The following PEX14 variants were observed in gnomAD, a reference collection of about 807,000 sequenced individuals.
PEX14 encodes peroxisomal biogenesis factor 14.
In PEX14, 15 loss-of-function variants were observed where a neutral mutation model predicts 49.5. The ratio of observed to expected loss-of-function variants is 0.30; its 90% confidence interval spans 0.20 to 0.47. The LOEUF is 0.47. PEX14 is among the 20% of genes least tolerant of loss of function. The pLI, the probability that PEX14 is intolerant of heterozygous loss-of-function variation, is 1.00. For missense variants in PEX14, 398 were observed against 494.8 expected (o/e 0.80, Z 1.86); for synonymous variants, 210 against 212.7 (o/e 0.99, Z 0.11).
At chr1:10,521,724 A>T (rs1638299702) in intron 2 of PEX14, among the ~76,000 whole-genome samples, 2 of 152,120 alleles carry the variant, frequency 1.3e-5, no homozygotes, top group Non-Finnish European at 2.9e-5. Context: ...TTTCCCCCCT[A>T]AGAATCATAC....
intron 4 of PEX14, among the ~76,000 whole-genome samples, chr1:10,600,074 T>C (rs1640939300): frequency 6.6e-6 from 1 of 152,230 alleles, no homozygotes; most frequent in Non-Finnish European, 1.5e-5. Context: ...TTAAAAAGGC[T>C]AAAATTGACT....
intron 2 of PEX14, among the ~76,000 whole-genome samples, chr1:10,498,707 G>C (rs1419503622): frequency 2.6e-5 from 4 of 152,218 alleles, no homozygotes; most frequent in African/African-American, 9.6e-5. Context: ...ATTAGGGCTA[G>C]AGATTGGTGA....
At chr1:10,510,830 C>T (rs751981055) in intron 2 of PEX14, among the ~76,000 whole-genome samples, 10 of 152,190 alleles carry the variant, frequency 6.6e-5, no homozygotes, top group Admixed American at 2.6e-4. Flanking sequence ...CCCACTGGGC[C>T]ACACATATGC....
chr1:10,530,630 G>A (rs1198968300), intron 2 of PEX14, among the ~76,000 whole-genome samples: 3 of 152,192 alleles, frequency 2.0e-5, no homozygotes, highest in Non-Finnish European at 4.4e-5. Flanking sequence ...ATTGAATTTT[G>A]GCTGACCGAG....
chr1:10,627,149 C>G lies in PEX14; in HGVS notation c.586-123C>G. On this transcript the variant is annotated intron_variant, in intron 7 of 8. Coordinates refer to ENST00000356607, the MANE Select transcript of PEX14 (RefSeq NM_004565.3). ...AGTGGGCAGTGGCAGAACCTTCCCCCGGGTTCCCCAGAACAGACCCAGAAG... is the reference window on the plus strand; with the variant it reads ...AGTGGGCAGTGGCAGAACCTTCCCCGGGGTTCCCCAGAACAGACCCAGAAG... 11 of 760,970 alleles carry G rather than the reference C, an allele frequency of 1.4e-5. No homozygotes were observed. The South Asian group carries it at 1.5e-4, about 10-fold the overall frequency. The allele number at this position is 760,970 out of a possible 1,614,324, so 47.1% of individuals were successfully genotyped here.
intron 4 of PEX14, among the ~76,000 whole-genome samples, chr1:10,617,888 C>T (rs1299405062): frequency 1.3e-5 from 2 of 152,200 alleles, no homozygotes; most frequent in African/African-American, 4.8e-5. Flanking sequence ...TCGCTGAGGC[C>T]CCGCTTGGTT....
chr1:10,548,085 C>T (rs1202325743), intron 3 of PEX14, among the ~76,000 whole-genome samples: 2 of 152,072 alleles, frequency 1.3e-5, no homozygotes, highest in African/African-American at 2.4e-5. Flanking sequence ...GGCGTGGTGG[C>T]GCATGCCTGT....
chr1:10,501,362 T>C (rs1234908966), intron 2 of PEX14, among the ~76,000 whole-genome samples: 1 of 152,174 alleles, frequency 6.6e-6, no homozygotes, highest in Non-Finnish European at 1.5e-5. Flanking sequence ...TGGAGTGCAG[T>C]GGCACGATCT....
At chr1:10,559,523 T>C (rs976521418) in intron 3 of PEX14, among the ~76,000 whole-genome samples, 91 of 152,166 alleles carry the variant, frequency 6.0e-4, no homozygotes, top group Non-Finnish European at 8.8e-4. Context: ...AGTAGACCCC[T>C]GTGTGAGACA....
At chr1:10,586,487 C>G (rs1171237628) in intron 3 of PEX14, among the ~76,000 whole-genome samples, 1 of 152,072 alleles carries the variant, frequency 6.6e-6, no homozygotes, top group African/African-American at 2.4e-5. Flanking sequence ...TTGATAGCAG[C>G]ATTATTCATA....
At chr1:10,588,262 G>A (rs958010941) in intron 3 of PEX14, among the ~76,000 whole-genome samples, 3 of 151,922 alleles carry the variant, frequency 2.0e-5, no homozygotes, top group Non-Finnish European at 4.4e-5. Context: ...GCCTAGATTT[G>A]AAATCCTGGA....
At chr1:10,519,099 G>A (rs138464043) in intron 2 of PEX14, among the ~76,000 whole-genome samples, 6 of 152,180 alleles carry the variant, frequency 3.9e-5, no homozygotes, top group African/African-American at 1.2e-4. Context: ...TTTCAAAAGC[G>A]GAATTCAGAA....
rs540685156 is a variant in PEX14 at position 10,505,466 on chromosome 1, TC to T, written c.84+10152del. On this transcript the variant is annotated intron_variant, in intron 2 of 8. Coordinates refer to ENST00000356607, the MANE Select transcript of PEX14 (RefSeq NM_004565.3). ...CTCAAAAACAAAACACAATCTTTTT[TC>T]CCCCCCTTTACCATACTTTTCCTTT... Among the ~76,000 whole-genome samples, 31 of 152,170 alleles carry T rather than the reference TC, an allele frequency of 2.0e-4. No individual in the cohort carries two copies. In the East Asian group the frequency reaches 5.8e-3, roughly 28 times the overall value.
chr1:10,527,857 G>A (rs1438814912), intron 2 of PEX14, among the ~76,000 whole-genome samples: 1 of 152,094 alleles, frequency 6.6e-6, no homozygotes, highest in Non-Finnish European at 1.5e-5. Flanking sequence ...TTTTAGTGGA[G>A]ATGGGGTTTC....
At chr1:10,521,772 G>A (rs1221361671) in intron 2 of PEX14, among the ~76,000 whole-genome samples, 1 of 152,066 alleles carries the variant, frequency 6.6e-6, no homozygotes, top group African/African-American at 2.4e-5. Context: ...CATCCCCTTG[G>A]CCCCTTCTCA....
At chr1:10,487,815 CTG>C (rs759100820) in intron 1 of PEX14, among the ~76,000 whole-genome samples, 1 of 151,650 alleles carries the variant, frequency 6.6e-6, no homozygotes, top group Non-Finnish European at 1.5e-5. Context: ...GAGTCTCACT[CTG>C]TTGCCTCGGC....
At chr1:10,556,104 G>A (rs115991166) in intron 3 of PEX14, among the ~76,000 whole-genome samples, 5,184 of 152,180 alleles carry the variant, frequency 0.034, 307 homozygotes, top group African/African-American at 0.12. Flanking sequence ...TGCAGGCACC[G>A]TCTGCCAGTG....
intron 2 of PEX14, among the ~76,000 whole-genome samples, chr1:10,510,581 G>A (rs1641864911): frequency 6.6e-6 from 1 of 152,176 alleles, no homozygotes; most frequent in South Asian, 2.1e-4. Context: ...GTGTTGTATG[G>A]CCGTATATAT....
chr1:10,491,307 T>C, intron 1 of PEX14, among the ~76,000 whole-genome samples: 1 of 152,168 alleles, frequency 6.6e-6, no homozygotes, highest in East Asian at 1.9e-4. Flanking sequence ...GGACTGTGGC[T>C]CTGGGAAGCC....
Sources: allele counts gnomAD v4.1 joint callset (sites outside exome capture counted in the v4.1 genomes callset), GRCh38; gene constraint gnomAD v4.1.1; transcripts MANE v1.5; gene names NCBI Gene and HGNC (gene_info 2026-07-23, HGNC 2026-07-21).